CRISP2: variants seen among roughly 807,000 people sequenced by gnomAD.
CRISP2 encodes the protein cysteine rich secretory protein 2.
In CRISP2, 29 loss-of-function variants were observed where a neutral mutation model predicts 31.7. The ratio of observed to expected loss-of-function variants is 0.92; its 90% CI spans 0.68 to 1.25. The LOEUF is 1.25. Ranked by LOEUF, CRISP2 falls within the 50% of genes most tolerant of loss-of-function variation. CRISP2 has a pLI of 0.00. For synonymous variants in CRISP2, 111 were observed against 101.4 expected, an observed-to-expected ratio of 1.09 and a Z score of -0.57; for missense variants, 318 against 286.5, an observed-to-expected ratio of 1.11 and a Z score of -0.79.
In CRISP2 at chr6:49,699,840, T is replaced by C; in HGVS notation, c.235A>G (p.Thr79Ala). ...TCCTCTGGATCACTATGTTGTAAAG[T>C]GCACTTGTTTGCCCACCTTTGGGCA... ...TNAQRWANKC[T>A]LQHSDPEDRK... Residue 79 changes from threonine (T) to alanine (A), a missense_variant, in exon 6 of 10, where the codon ACT (threonine) becomes GCT (alanine). Transcript: ENST00000339139. 1.2e-6 allele frequency: 2 copies of C among 1,612,690 alleles called. No homozygotes were observed. The highest frequency in any genetic ancestry group is 1.1e-5 in the South Asian group (1 of 90,998).
At chr6:49,684,255 A>G in the CRISP2 span, among the ~76,000 whole-genome samples, 2 of 152,162 alleles carry the variant, frequency 1.3e-5, no homozygotes, top group East Asian at 1.9e-4. Context: ...GTTATGACCT[A>G]CACACACCCT....
At chr6:49,688,256 AG>A (rs1400581281), downstream of CRISP2, among the ~76,000 whole-genome samples, 3 of 152,230 alleles carry the variant, frequency 2.0e-5, no homozygotes, top group Admixed American at 6.5e-5. Context: ...AAGCTTGAAC[AG>A]GATTCAGTTT....
the CRISP2 span, among the ~76,000 whole-genome samples, chr6:49,680,918 CA>C: frequency 6.6e-6 from 1 of 152,146 alleles, no homozygotes; most frequent in Non-Finnish European, 1.5e-5. Flanking sequence ...GCATAGTTTG[CA>C]AAAATTGTCA....
chr6:49,710,417 C>T (rs1045569281), intron 3 of CRISP2, among the ~76,000 whole-genome samples: 2 of 152,070 alleles, frequency 1.3e-5, no homozygotes, highest in African/African-American at 2.4e-5. Flanking sequence ...ATTATGACTT[C>T]GAAGTCAATG....
chr6:49,682,244 G>A, the CRISP2 span, among the ~76,000 whole-genome samples: 1 of 151,932 alleles, frequency 6.6e-6, no homozygotes, highest in African/African-American at 2.4e-5. Context: ...GGAATCTCAG[G>A]TGGTATTGTG....
downstream of CRISP2, among the ~76,000 whole-genome samples, chr6:49,691,701 G>C (rs1400078581): frequency 1.3e-5 from 2 of 151,962 alleles, no homozygotes; most frequent in East Asian, 1.9e-4. Flanking sequence ...GGAAGAAACT[G>C]TAAAATTGCT....
chr6:49,694,560 T>G (rs1267587427), intron 9 of CRISP2, among the ~76,000 whole-genome samples: 1 of 152,016 alleles, frequency 6.6e-6, no homozygotes, highest in African/African-American at 2.4e-5. Context: ...CACTTCCTTC[T>G]CTTTCCCCCA....
intron 4 of CRISP2, among the ~76,000 whole-genome samples, chr6:49,701,569 TG>T (rs1765743822): frequency 1.9e-5 from 2 of 105,370 alleles, no homozygotes; most frequent in Admixed American, 2.3e-4. Context: ...CTTTTATGGC[TG>T]AGTATTACGT....
At chr6:49,681,207 C>A in the CRISP2 span, among the ~76,000 whole-genome samples, 4 of 152,122 alleles carry the variant, frequency 2.6e-5, no homozygotes, top group African/African-American at 7.2e-5. Flanking sequence ...TAATCTTCTA[C>A]ATGTGGTTAG....
chr6:49,679,655 T>C, the CRISP2 span, among the ~76,000 whole-genome samples: 9 of 151,472 alleles, frequency 5.9e-5, no homozygotes, highest in Non-Finnish European at 1.3e-4. Flanking sequence ...CACACATTGC[T>C]GAATCTTACC....
At chr6:49,677,225 A>T in the CRISP2 span, among the ~76,000 whole-genome samples, 3 of 152,252 alleles carry the variant, frequency 2.0e-5, no homozygotes, top group East Asian at 5.8e-4. Context: ...ATTCTTGTTG[A>T]TCAAATGTAT....
rs1765481713 is a variant in CRISP2 at position 49,700,519 on chromosome 6, A to G, written c.183+149T>C. On this transcript the variant is annotated intron_variant, in intron 5 of 9. Coordinates refer to ENST00000339139, the MANE Select transcript of CRISP2 (RefSeq NM_003296.4). ...CCAGCTTTAAAACAAAAACAAGAAT[A>G]CAATCCTCTCCATATAATGGTTCAA... 11 of 611,712 alleles carry G rather than the reference A, an allele frequency of 1.8e-5. No individual in the cohort carries two copies. In the South Asian group the frequency reaches 2.2e-4, roughly 12 times the overall value. 37.9% of individuals were successfully genotyped at this position (611,712 alleles called of 1,614,324 possible).
In CRISP2 at chr6:49,697,781, C is replaced by A. The variant is rs1765017619; in HGVS notation, c.515+79G>T. On this transcript the variant is annotated intron_variant, in intron 8 of 9. Coordinates refer to ENST00000339139, the MANE Select transcript of CRISP2 (RefSeq NM_003296.4). ...CCTTTTATTGAGATATGTTTTCATTCTGGTTTAAGATATGAGAATTATTAA... is the reference window on the plus strand; with the variant it reads ...CCTTTTATTGAGATATGTTTTCATTATGGTTTAAGATATGAGAATTATTAA... 3 of 1,603,452 alleles carry A rather than the reference C, an allele frequency of 1.9e-6. No individual in the cohort carries two copies. The African/African-American group carries it at 4.0e-5, about 22-fold the overall frequency.
At chr6:49,696,756 G>C (rs77401758) in intron 8 of CRISP2, among the ~76,000 whole-genome samples, 5,052 of 152,096 alleles carry the variant, frequency 0.033, 298 homozygotes, top group African/African-American at 0.12. Flanking sequence ...AGACCAAGTG[G>C]GGTAAGGACC....
the CRISP2 span, among the ~76,000 whole-genome samples, chr6:49,685,014 G>T: frequency 1.3e-5 from 2 of 152,080 alleles, no homozygotes; most frequent in African/African-American, 4.8e-5. Context: ...GGACTCTGAT[G>T]CCTGGGAACT....
chr6:49,709,073 C>A, intron 4 of CRISP2, 58 bp downstream of exon 4: 2 of 1,453,378 alleles, frequency 1.4e-6, no homozygotes, highest in Non-Finnish European at 9.7e-7. Flanking sequence ...TTCAGAATAG[C>A]CTGCCATACC....
At chr6:49,701,730 G>A (rs564457487) in intron 4 of CRISP2, among the ~76,000 whole-genome samples, 2 of 73,862 alleles carry the variant, frequency 2.7e-5, no homozygotes, top group South Asian at 4.2e-4. Flanking sequence ...TATATATAAT[G>A]TATATATACA....
At chr6:49,699,965 G>A in intron 5 of CRISP2, 74 bp from the exon 6 acceptor site, 2 of 1,312,160 alleles carry the variant, frequency 1.5e-6, no homozygotes, top group East Asian at 2.4e-5. Flanking sequence ...AATCTGATTT[G>A]TAAATACTTT....
chr6:49,695,978 G>A lies in CRISP2; in HGVS notation c.516-54C>T, dbSNP rs141642128. 8.7e-3 allele frequency: 10,010 copies of A among 1,156,970 alleles called. 77 individuals are homozygous for A. The highest frequency in any genetic ancestry group is 0.023 in the South Asian group (1,686 of 74,346). 71.7% of individuals were successfully genotyped at this position (1,156,970 alleles called of 1,614,324 possible). ...TTTCACTTTACTGTTTATACTCTAA[G>A]GGCAGTATCAGTCATCAAATATACA... On this transcript the variant is annotated intron_variant, in intron 8 of 9. Transcript: ENST00000339139.
Sources: allele counts gnomAD v4.1 joint callset (sites outside exome capture counted in the v4.1 genomes callset), GRCh38; gene constraint gnomAD v4.1.1; transcripts MANE v1.5; gene names NCBI Gene and HGNC (gene_info 2026-07-23, HGNC 2026-07-21).